Variants in MAGI2 observed in about 807,000 individuals in gnomAD.
The protein encoded by MAGI2 is membrane associated guanylate kinase, WW and PDZ domain containing 2, also known as membrane-associated guanylate kinase, WW and PDZ domain-containing protein 2.
MAGI2 carries 35 observed loss-of-function variants against 133.3 expected under a neutral mutation model. The ratio of observed to expected loss-of-function variants is 0.26; its 90% CI spans 0.20 to 0.35. The LOEUF (loss-of-function observed/expected upper bound fraction) is 0.35, where lower values mean the gene tolerates loss of function less well. Among genes scored for constraint, MAGI2 ranks in the 10% least tolerant of loss-of-function variants. MAGI2 has a pLI of 1.00. For synonymous variants in MAGI2, 729 were observed against 710.6 expected, an observed-to-expected ratio of 1.03 and a Z score of -0.41; for missense variants, 1,636 against 1,863.4, an observed-to-expected ratio of 0.88 and a Z score of 2.25.
At chr7:78,209,197 G>A (rs1482332432) in intron 10 of MAGI2, among the ~76,000 whole-genome samples, 2 of 32,570 alleles carry the variant, frequency 6.1e-5, no homozygotes, top group Non-Finnish European at 1.6e-4. Context: ...ACTCCACCCT[G>A]GGCGACAGAG....
At chr7:78,373,965 CAT>C (rs1032788959) in intron 6 of MAGI2, among the ~76,000 whole-genome samples, 1 of 152,140 alleles carries the variant, frequency 6.6e-6, no homozygotes, top group African/African-American at 2.4e-5. Context: ...TTCCATGGTG[CAT>C]ATATACCACA....
intron 2 of MAGI2, among the ~76,000 whole-genome samples, chr7:78,874,869 C>T (rs1289386119): frequency 6.6e-6 from 1 of 152,064 alleles, no homozygotes. Context: ...GTATCAAAAC[C>T]TCACATTCTA....
chr7:78,534,008 C>T (rs1054966739), intron 3 of MAGI2, among the ~76,000 whole-genome samples: 7 of 152,188 alleles, frequency 4.6e-5, no homozygotes, highest in African/African-American at 1.7e-4. Flanking sequence ...GGTTATCATA[C>T]ATCTAATCAT....
intron 2 of MAGI2, among the ~76,000 whole-genome samples, chr7:78,958,054 T>C (rs1363247057): frequency 1.3e-5 from 2 of 152,190 alleles, no homozygotes; most frequent in Non-Finnish European, 2.9e-5. Flanking sequence ...AATCAGTTGC[T>C]ATGTTTACCT....
intron 2 of MAGI2, among the ~76,000 whole-genome samples, chr7:78,702,081 C>T (rs940074099): frequency 6.6e-6 from 1 of 151,950 alleles, no homozygotes; most frequent in African/African-American, 2.4e-5. Context: ...TGGTACAGTT[C>T]AGTGCAATTA....
At chr7:79,260,602 T>C (rs185193995) in intron 1 of MAGI2, among the ~76,000 whole-genome samples, 40 of 152,210 alleles carry the variant, frequency 2.6e-4, no homozygotes, top group African/African-American at 8.4e-4. Flanking sequence ...AATCCAAAAA[T>C]TTATGAACAT....
intron 2 of MAGI2, among the ~76,000 whole-genome samples, chr7:78,994,449 T>C (rs1011755493): frequency 6.6e-6 from 1 of 152,110 alleles, no homozygotes; most frequent in African/African-American, 2.4e-5. Context: ...AGGTCTTATT[T>C]AACCCACTAC....
intron 1 of MAGI2, among the ~76,000 whole-genome samples, chr7:79,222,086 A>T (rs2129553512): frequency 1.3e-5 from 2 of 152,208 alleles, no homozygotes; most frequent in South Asian, 4.1e-4. Flanking sequence ...AGTTATGTTT[A>T]AAAAATAATT....
intron 2 of MAGI2, among the ~76,000 whole-genome samples, chr7:78,689,682 C>CTTTTTTTTTTTTTTTTT (rs200333526): frequency 6.5e-5 from 6 of 92,010 alleles, no homozygotes; most frequent in Non-Finnish European, 8.0e-5. Flanking sequence ...TTGGATCTGG[C>CTTTTTTTTTTTTTTTTT]TTTTTTTTTT....
intron 16 of MAGI2, among the ~76,000 whole-genome samples, chr7:78,155,050 CT>C (rs1824255723): frequency 6.6e-6 from 1 of 152,184 alleles, no homozygotes; most frequent in African/African-American, 2.4e-5. Context: ...CCAAAGTTAT[CT>C]GTTTTGGTGA....
chr7:78,356,537 C>T (rs776156357), intron 7 of MAGI2, among the ~76,000 whole-genome samples: 1 of 152,188 alleles, frequency 6.6e-6, no homozygotes, highest in South Asian at 2.1e-4. Flanking sequence ...CTCATCTGAT[C>T]ACTACACTTT....
rs924275541 is a variant in MAGI2, at chr7:79,125,315, G to T, written c.302-118109C>A. The T allele has an allele frequency of 1.7e-5, 8 of 463,456 alleles. No homozygotes were observed. In the East Asian group the frequency reaches 4.2e-4, roughly 24 times the overall value. 28.7% of individuals were successfully genotyped at this position (463,456 alleles called of 1,614,324 possible). A position where few individuals can be genotyped will look rare whatever the true frequency, so the allele number is the denominator to read the frequency against. ...TGGCTAGTGCTTCATCTAGCCAGAGGTTGGCATGGTTCTGGAAACTTTGGT... is the reference window on the plus strand; with the variant it reads ...TGGCTAGTGCTTCATCTAGCCAGAGTTTGGCATGGTTCTGGAAACTTTGGT... On this transcript the variant is annotated intron_variant, in intron 1 of 21. Coordinates refer to ENST00000354212, the MANE Select transcript of MAGI2 (RefSeq NM_012301.4).
chr7:78,848,467 C>A (rs1792826213), intron 2 of MAGI2, among the ~76,000 whole-genome samples: 1 of 151,968 alleles, frequency 6.6e-6, no homozygotes, highest in South Asian at 2.1e-4. Context: ...ACATAACAAA[C>A]AAATATACAT....
intron 10 of MAGI2, among the ~76,000 whole-genome samples, chr7:78,248,433 T>G (rs1243943792): frequency 6.6e-6 from 1 of 152,164 alleles, no homozygotes; most frequent in Non-Finnish European, 1.5e-5. Flanking sequence ...ATAAATACTT[T>G]GAATGTAAAT....
chr7:79,435,088 G>A (rs1848047157), intron 1 of MAGI2, among the ~76,000 whole-genome samples: 1 of 152,120 alleles, frequency 6.6e-6, no homozygotes, highest in South Asian at 2.1e-4. Flanking sequence ...CCACATTGTT[G>A]ACTGATCCTG....
chr7:79,257,882 G>A (rs913627500), intron 1 of MAGI2, among the ~76,000 whole-genome samples: 1 of 152,034 alleles, frequency 6.6e-6, no homozygotes, highest in African/African-American at 2.4e-5. Flanking sequence ...TTGCCCCACA[G>A]AAATTCTGTG....
At chr7:79,222,730 A>G (rs752684805) in intron 1 of MAGI2, among the ~76,000 whole-genome samples, 13 of 152,060 alleles carry the variant, frequency 8.5e-5, no homozygotes, top group Non-Finnish European at 1.5e-4. Context: ...TACCTTTACT[A>G]AAGATTTTAT....
intron 1 of MAGI2, among the ~76,000 whole-genome samples, chr7:79,385,739 T>C (rs1453272862): frequency 1.3e-5 from 2 of 151,826 alleles, no homozygotes; most frequent in Non-Finnish European, 2.9e-5. Context: ...AGAGCGAATA[T>C]GTAGGATGAC....
At chr7:78,501,553 T>A (rs1794628393) in intron 5 of MAGI2, 24 bp downstream of exon 5, 1 of 1,607,062 alleles carries the variant, frequency 6.2e-7, no homozygotes, top group African/African-American at 1.3e-5. Context: ...TTTGGCACTG[T>A]TGAAAGAAAT....
Sources: gnomAD v4.1 joint callset for allele counts (sites outside exome capture counted in the v4.1 genomes callset) on GRCh38, gnomAD v4.1.1 for gene constraint, MANE v1.5 for transcripts, NCBI Gene and HGNC (gene_info 2026-07-23, HGNC 2026-07-21) for gene names.